Variants in SRD5A2 observed in about 807,000 individuals in gnomAD.
SRD5A2 encodes the protein steroid 5 alpha-reductase 2, also known as 3-oxo-5-alpha-steroid 4-dehydrogenase 2.
A neutral mutation model predicts 27.4 loss-of-function variants in SRD5A2; 30 were observed. The ratio of observed to expected loss-of-function variants is 1.10; its 90% confidence interval spans 0.82 to 1.49. SRD5A2 has a LOEUF of 1.49. Among genes scored for constraint, SRD5A2 ranks in the 40% most tolerant of loss-of-function variants. SRD5A2 has a pLI of 0.00. For synonymous variants in SRD5A2, 141 were observed against 133.6 expected, an observed-to-expected ratio of 1.06 and a Z score of -0.38; for missense variants, 348 against 323.4, an observed-to-expected ratio of 1.08 and a Z score of -0.58.
chr2:31,571,448 A>G (rs1572654471), intron 1 of SRD5A2, among the ~76,000 whole-genome samples: 1 of 152,226 alleles, frequency 6.6e-6, no homozygotes, highest in Non-Finnish European at 1.5e-5. Flanking sequence ...GCCATTCTGG[A>G]CATAGGATCT....
At chr2:31,607,872 G>C in the SRD5A2 span, among the ~76,000 whole-genome samples, 1 of 151,968 alleles carries the variant, frequency 6.6e-6, no homozygotes, top group Non-Finnish European at 1.5e-5. Context: ...ATTTGGGGAG[G>C]TAATTATTAG....
the SRD5A2 span, among the ~76,000 whole-genome samples, chr2:31,624,718 T>C: frequency 6.6e-6 from 1 of 152,306 alleles, no homozygotes; most frequent in African/African-American, 2.4e-5. Context: ...TAGTATTCCA[T>C]GGTGTATAGG....
the SRD5A2 span, among the ~76,000 whole-genome samples, chr2:31,629,242 C>T: frequency 1.3e-5 from 2 of 152,164 alleles, no homozygotes; most frequent in African/African-American, 2.4e-5. Context: ...ATAACACTCA[C>T]TGTATGGCCC....
rs1665747651 is a variant in SRD5A2 at position 31,525,129 on chromosome 2, G to A, written c.*1067C>T. The A allele has an allele frequency of 4.6e-6, 1 of 219,358 alleles. No homozygotes were observed. Among genetic ancestry groups the A allele is most frequent in the African/African-American group, 2.3e-5 (1 of 44,396 alleles). The allele number at this position is 219,358 out of a possible 1,614,324, so 13.6% of individuals were successfully genotyped here. On this transcript the variant is annotated 3_prime_UTR_variant, in exon 5 of 5. Transcript: ENST00000622030. ...CCTCTGTCTGCAATTTTCAGTCTCTGCCTGCAGGTCCTTTGAGGGAGGCAT... is the reference window on the plus strand; with the variant it reads ...CCTCTGTCTGCAATTTTCAGTCTCTACCTGCAGGTCCTTTGAGGGAGGCAT...
the SRD5A2 span, among the ~76,000 whole-genome samples, chr2:31,591,671 A>G: frequency 6.7e-6 from 1 of 150,180 alleles, no homozygotes; most frequent in Admixed American, 6.7e-5. Flanking sequence ...ACAACAGTGA[A>G]GACTTGGAAC....
the SRD5A2 span, among the ~76,000 whole-genome samples, chr2:31,595,754 A>C: frequency 6.6e-6 from 1 of 152,142 alleles, no homozygotes. Flanking sequence ...ATAACAAATA[A>C]AGAAAACTAC....
the SRD5A2 span, among the ~76,000 whole-genome samples, chr2:31,624,766 T>C: frequency 6.6e-6 from 1 of 152,150 alleles, no homozygotes; most frequent in East Asian, 1.9e-4. Flanking sequence ...ATTGATGGAC[T>C]TTTGGGCTGG....
chr2:31,656,215 T>A, the SRD5A2 span, among the ~76,000 whole-genome samples: 2 of 152,192 alleles, frequency 1.3e-5, no homozygotes, highest in Non-Finnish European at 2.9e-5. Context: ...TCTAGCATAG[T>A]TTTGCATACT....
At chr2:31,655,635 C>T in the SRD5A2 span, among the ~76,000 whole-genome samples, 12 of 152,130 alleles carry the variant, frequency 7.9e-5, no homozygotes, top group Non-Finnish European at 1.8e-4. Context: ...CTGATCTCAT[C>T]AGCAAGATAA....
intron 1 of SRD5A2, among the ~76,000 whole-genome samples, chr2:31,575,826 G>C (rs1183109349): frequency 2.6e-5 from 4 of 152,148 alleles, no homozygotes; most frequent in Non-Finnish European, 5.9e-5. Flanking sequence ...TGTTCATTCA[G>C]TTATCAAGGT....
the SRD5A2 span, among the ~76,000 whole-genome samples, chr2:31,617,271 A>T: frequency 6.6e-6 from 1 of 152,134 alleles, no homozygotes; most frequent in Non-Finnish European, 1.5e-5. Flanking sequence ...GACCCCTTAT[A>T]GCCATAGCTG....
At chr2:31,629,550 G>C in the SRD5A2 span, among the ~76,000 whole-genome samples, 1 of 152,110 alleles carries the variant, frequency 6.6e-6, no homozygotes, top group African/African-American at 2.4e-5. Context: ...AGGCTATCTG[G>C]GAAAGGGCTT....
chr2:31,579,206 G>C (rs1206735029), intron 1 of SRD5A2, among the ~76,000 whole-genome samples: 1 of 152,192 alleles, frequency 6.6e-6, no homozygotes, highest in Non-Finnish European at 1.5e-5. Flanking sequence ...TTTAAAAAGA[G>C]TGAGAATTCA....
chr2:31,529,495 T>G, intron 3 of SRD5A2, 38 bp from the exon 4 acceptor site: 2 of 1,603,456 alleles, frequency 1.2e-6, no homozygotes, highest in Non-Finnish European at 1.7e-6. Flanking sequence ...TCATTGCAAC[T>G]GAATCATTTT....
At chr2:31,575,624 C>G (rs1666944071) in intron 1 of SRD5A2, among the ~76,000 whole-genome samples, 1 of 152,164 alleles carries the variant, frequency 6.6e-6, no homozygotes. Flanking sequence ...CTTATTGAAG[C>G]CATCATTTTA....
intron 1 of SRD5A2, among the ~76,000 whole-genome samples, chr2:31,545,225 C>G (rs1666219467): frequency 6.6e-6 from 1 of 151,966 alleles, no homozygotes; most frequent in Admixed American, 6.5e-5. Flanking sequence ...CTGACTTATT[C>G]TATGAGGTCA....
intron 1 of SRD5A2, among the ~76,000 whole-genome samples, chr2:31,539,171 CA>C (rs1006894221): frequency 6.6e-6 from 1 of 152,092 alleles, no homozygotes; most frequent in African/African-American, 2.4e-5. Context: ...TTGGAGAGAA[CA>C]AGGCATATGG....
intron 1 of SRD5A2, among the ~76,000 whole-genome samples, chr2:31,552,339 C>T (rs1200008629): frequency 1.3e-5 from 2 of 151,676 alleles, no homozygotes; most frequent in African/African-American, 2.4e-5. Flanking sequence ...TGCCTCAACC[C>T]ACACTTCTCT....
chr2:31,635,822 T>C, the SRD5A2 span, among the ~76,000 whole-genome samples: 1 of 152,122 alleles, frequency 6.6e-6, no homozygotes, highest in Non-Finnish European at 1.5e-5. Flanking sequence ...TTTCCCATTG[T>C]ATGTTCTTGG....
Sources: gnomAD v4.1 joint callset for allele counts (sites outside exome capture counted in the v4.1 genomes callset) on GRCh38, gnomAD v4.1.1 for gene constraint, MANE v1.5 for transcripts, NCBI Gene and HGNC (gene_info 2026-07-23, HGNC 2026-07-21) for gene names.